Variants in B3GALT1 observed in about 807,000 individuals in gnomAD.
B3GALT1 encodes beta-1,3-galactosyltransferase 1.
Under a neutral mutation model 23.2 loss-of-function variants are expected in B3GALT1, and 10 were observed. That is an observed-to-expected ratio of 0.43 (90% CI 0.27 to 0.73). The LOEUF is 0.73. B3GALT1 is among the 30% of genes least tolerant of loss of function. The pLI, the probability that B3GALT1 is intolerant of heterozygous loss-of-function variation, is 0.21. For synonymous variants in B3GALT1, 156 were observed against 141.5 expected (o/e 1.10, Z -0.73); for missense variants, 299 against 405.4 (o/e 0.74, Z 2.25).
chr2:167,763,848 A>C (rs1177497519), intron 3 of B3GALT1, among the ~76,000 whole-genome samples: 2 of 152,148 alleles, frequency 1.3e-5, no homozygotes, highest in Admixed American at 1.3e-4. Flanking sequence ...ATCAAAGGAA[A>C]ACATGGCCTA....
intron 2 of B3GALT1, among the ~76,000 whole-genome samples, chr2:167,586,249 G>A (rs902773282): frequency 1.3e-5 from 2 of 152,140 alleles, no homozygotes; most frequent in Non-Finnish European, 2.9e-5. Flanking sequence ...AATGTGCAAA[G>A]TCCAGGAGGC....
intron 3 of B3GALT1, among the ~76,000 whole-genome samples, chr2:167,669,763 C>A (rs2105482185): frequency 6.6e-6 from 1 of 152,010 alleles, no homozygotes; most frequent in South Asian, 2.1e-4. Flanking sequence ...ATAAGAGAGA[C>A]CCCCTTGGCC....
intron 3 of B3GALT1, among the ~76,000 whole-genome samples, chr2:167,802,730 A>T (rs1688661219): frequency 6.6e-6 from 1 of 152,202 alleles, no homozygotes. Flanking sequence ...TTATTTTATT[A>T]GTAACTCTTG....
At chr2:167,320,343 C>T (rs1307712093) in intron 1 of B3GALT1, among the ~76,000 whole-genome samples, 1 of 151,888 alleles carries the variant, frequency 6.6e-6, no homozygotes, top group Non-Finnish European at 1.5e-5. Flanking sequence ...GAGCACACCA[C>T]CATACCTGGC....
intron 3 of B3GALT1, among the ~76,000 whole-genome samples, chr2:167,649,366 T>C (rs575719735): frequency 3.3e-5 from 5 of 152,092 alleles, no homozygotes; most frequent in Non-Finnish European, 5.9e-5. Context: ...ATTTAGTACA[T>C]TCACAATGGT....
At chr2:167,551,928 T>G (rs1897339) in intron 2 of B3GALT1, among the ~76,000 whole-genome samples, 14,504 of 152,160 alleles carry the variant, frequency 0.095, 942 homozygotes, top group East Asian at 0.32. Flanking sequence ...ACATTATAAC[T>G]TTGCTATTTC....
chr2:167,838,569 A>G (rs373800518), intron 4 of B3GALT1, among the ~76,000 whole-genome samples: 1 of 152,268 alleles, frequency 6.6e-6, no homozygotes, highest in Non-Finnish European at 1.5e-5. Flanking sequence ...CAGGACCAGA[A>G]GGATTCACAG....
chr2:167,840,653 T>G (rs1275971453), intron 4 of B3GALT1, among the ~76,000 whole-genome samples: 2 of 151,496 alleles, frequency 1.3e-5, no homozygotes, highest in Non-Finnish European at 2.9e-5. Context: ...AAATACCATT[T>G]GACCCAGCCA....
intron 1 of B3GALT1, among the ~76,000 whole-genome samples, chr2:167,308,614 T>G (rs1441067601): frequency 1.3e-5 from 2 of 151,980 alleles, no homozygotes; most frequent in African/African-American, 4.8e-5. Context: ...TATCTAATGT[T>G]TTTTTTGAAG....
At chr2:167,486,366 A>T (rs536653147) in intron 1 of B3GALT1, among the ~76,000 whole-genome samples, 63 of 150,944 alleles carry the variant, frequency 4.2e-4, no homozygotes, top group Admixed American at 8.6e-4. Context: ...TCAAAAAAAA[A>T]AAAAAGAAAA....
intron 3 of B3GALT1, among the ~76,000 whole-genome samples, chr2:167,812,650 T>G (rs1436357117): frequency 2.0e-5 from 3 of 152,200 alleles, no homozygotes; most frequent in Non-Finnish European, 4.4e-5. Flanking sequence ...GTTTTCTCCA[T>G]TCCTCTTTCA....
At chr2:167,522,007 C>A (rs12992392) in intron 2 of B3GALT1, among the ~76,000 whole-genome samples, 2 of 106,360 alleles carry the variant, frequency 1.9e-5, no homozygotes, top group African/African-American at 3.8e-5. Flanking sequence ...TATATATATA[C>A]ACATATATAT....
intron 4 of B3GALT1, among the ~76,000 whole-genome samples, chr2:167,865,018 T>C (rs1350138341): frequency 6.6e-6 from 1 of 152,134 alleles, no homozygotes; most frequent in Non-Finnish European, 1.5e-5. Context: ...TCTGTTTCTG[T>C]TATATTTCTC....
intron 1 of B3GALT1, among the ~76,000 whole-genome samples, chr2:167,451,230 T>C (rs1480469008): frequency 6.6e-6 from 1 of 152,172 alleles, no homozygotes; most frequent in African/African-American, 2.4e-5. Flanking sequence ...GTTCCATTGC[T>C]GGTGAGCTAG....
rs1256791472 is a variant in B3GALT1, at chr2:167,869,658, G to A, written c.619G>A (p.Val207Ile). ...KPRRRYFTGY[V>I]INGGPIRDVR... ...ACGAAGAAGGTATTTTACTGGCTAT[G>A]TCATTAATGGAGGACCGATTCGGGA... The change falls in exon 5 of 5, where the codon GTC (valine) becomes ATC (isoleucine). Residue 207 changes from valine to isoleucine, a missense_variant. Physicochemically the swap from Val to Ile is conservative, Grantham distance 29. Coordinates refer to ENST00000392690, the MANE Select transcript of B3GALT1 (RefSeq NM_020981.4). This position sits in a 1 kb window ranked among gnomAD's most constrained non-coding sequence, Gnocchi z 6.4. 6.2e-7 allele frequency: 1 copy of A among 1,614,190 alleles called. No individual in the cohort carries two copies. The highest frequency in any genetic ancestry group is 2.2e-5 in the East Asian group (1 of 44,878).
Position 167,369,218 on chromosome 2 carries a change from G to A in B3GALT1, c.-511+75884G>A, listed in dbSNP as rs534875126. Among the ~76,000 whole-genome samples, 8 of 152,058 alleles carry A rather than the reference G, an allele frequency of 5.3e-5. No homozygotes were observed. In the East Asian group the frequency reaches 1.4e-3, roughly 26 times the overall value. On this transcript the variant is annotated intron_variant, in intron 1 of 4. Coordinates refer to ENST00000392690, the MANE Select transcript of B3GALT1 (RefSeq NM_020981.4). ...ATGTGCAGGCCCTATCGTGTATGGG[G>A]CCTCTGTATGCTGACATGTGCATGA...
At chr2:167,861,185 A>G (rs369092750) in intron 4 of B3GALT1, among the ~76,000 whole-genome samples, 1 of 152,216 alleles carries the variant, frequency 6.6e-6, no homozygotes, top group Non-Finnish European at 1.5e-5. Flanking sequence ...TTATTAAGAA[A>G]TAGGCTTTGT....
intron 2 of B3GALT1, among the ~76,000 whole-genome samples, chr2:167,528,856 G>T (rs1683268421): frequency 6.6e-6 from 1 of 152,014 alleles, no homozygotes; most frequent in African/African-American, 2.4e-5. Context: ...TTCCTAGGAG[G>T]TCTCCTGTTT....
intron 2 of B3GALT1, among the ~76,000 whole-genome samples, chr2:167,605,848 G>C (rs747347515): frequency 1.4e-4 from 22 of 152,152 alleles, no homozygotes; most frequent in Admixed American, 2.0e-4. Context: ...GAAACTTGAT[G>C]CTCAGAGATA....
Sources: gnomAD v4.1 joint callset for allele counts (sites outside exome capture counted in the v4.1 genomes callset) on GRCh38, gnomAD v4.1.1 for gene constraint, Gnocchi (gnomAD v3.1) non-coding constraint, MANE v1.5 for transcripts, NCBI Gene and HGNC (gene_info 2026-07-23, HGNC 2026-07-21) for gene names.